Variants in COL22A1 observed in about 807,000 individuals in gnomAD.
COL22A1 encodes the protein collagen alpha-1(XXII) chain.
A neutral mutation model predicts 248.9 loss-of-function variants in COL22A1; 221 were observed. The observed-to-expected ratio is 0.89, with a 90% CI of 0.80 to 0.99. COL22A1 has a LOEUF of 0.99. Among genes scored for constraint, COL22A1 ranks in the 50% least tolerant of loss-of-function variants. The pLI, the probability that COL22A1 is intolerant of heterozygous loss-of-function variation, is 0.00. For missense variants in COL22A1, 2,240 were observed against 2,179.0 expected (o/e 1.03, Z -0.56); for synonymous variants, 891 against 793.4 (o/e 1.12, Z -2.07).
intron 43 of COL22A1, among the ~76,000 whole-genome samples, chr8:138,661,304 C>T (rs1823936505): frequency 6.6e-6 from 1 of 152,188 alleles, no homozygotes; most frequent in South Asian, 2.1e-4. Context: ...AAGAGAAGGA[C>T]ATTTTGTTGT....
intron 3 of COL22A1, among the ~76,000 whole-genome samples, chr8:138,850,702 C>T (rs1277429464): frequency 2.6e-5 from 4 of 152,332 alleles, no homozygotes; most frequent in African/African-American, 4.8e-5. Flanking sequence ...GAAAGAACCT[C>T]GAGCTCCAAG....
chr8:138,722,451 C>A (rs1829944078), intron 25 of COL22A1, among the ~76,000 whole-genome samples: 1 of 152,226 alleles, frequency 6.6e-6, no homozygotes, highest in Non-Finnish European at 1.5e-5. Context: ...CTCCTCCTCT[C>A]TCCTCTCCAG....
intron 50 of COL22A1, among the ~76,000 whole-genome samples, chr8:138,626,475 G>A (rs1820248189): frequency 6.6e-6 from 1 of 152,164 alleles, no homozygotes; most frequent in Non-Finnish European, 1.5e-5. Flanking sequence ...GCTCATTCTG[G>A]CCATATTATT....
intron 3 of COL22A1, among the ~76,000 whole-genome samples, chr8:138,859,656 C>T (rs539887645): frequency 1.9e-4 from 29 of 151,966 alleles, no homozygotes; most frequent in Admixed American, 5.9e-4. Context: ...CTAGGGGTGG[C>T]GCCACCCCCC....
chr8:138,903,379 G>A (rs1413012112), intron 1 of COL22A1, among the ~76,000 whole-genome samples: 1 of 152,206 alleles, frequency 6.6e-6, no homozygotes, highest in Non-Finnish European at 1.5e-5. Flanking sequence ...AGACTGGGGG[G>A]CCTTCAATGT....
intron 2 of COL22A1, among the ~76,000 whole-genome samples, chr8:138,880,043 T>C (rs954457880): frequency 2.6e-5 from 4 of 152,058 alleles, no homozygotes; most frequent in African/African-American, 9.7e-5. Context: ...ATTCCAAACT[T>C]AGTGATTTAT....
chr8:138,598,306 T>C (rs1817711661), intron 61 of COL22A1, among the ~76,000 whole-genome samples: 1 of 152,152 alleles, frequency 6.6e-6, no homozygotes, highest in African/African-American at 2.4e-5. Context: ...GGCATCGAAA[T>C]GGATGGTAAA....
chr8:138,847,967 A>G (rs1393854545), intron 3 of COL22A1, among the ~76,000 whole-genome samples: 1 of 152,208 alleles, frequency 6.6e-6, no homozygotes, highest in African/African-American at 2.4e-5. Flanking sequence ...TCTAAGGACA[A>G]TTAATGAGGG....
intron 1 of COL22A1, among the ~76,000 whole-genome samples, chr8:138,904,827 G>A (rs897245408): frequency 7.2e-5 from 11 of 152,084 alleles, no homozygotes; most frequent in Non-Finnish European, 1.6e-4. Flanking sequence ...CCTTTTTCTG[G>A]GAGAGAATAA....
chr8:138,851,679 C>G (rs896969093), intron 3 of COL22A1, among the ~76,000 whole-genome samples: 3 of 152,164 alleles, frequency 2.0e-5, no homozygotes, highest in Non-Finnish European at 4.4e-5. Flanking sequence ...GCAAGGGGAG[C>G]TCAGGGGCAG....
intron 36 of COL22A1, among the ~76,000 whole-genome samples, chr8:138,690,159 G>T (rs753042641): frequency 6.6e-6 from 1 of 152,184 alleles, no homozygotes. Flanking sequence ...ACCTATAAAG[G>T]CTTGATGAAG....
chr8:138,623,931 T>C (rs1820042310), intron 51 of COL22A1, 146 bp from the exon 52 acceptor site: 1 of 629,764 alleles, frequency 1.6e-6, no homozygotes. Flanking sequence ...ACGGACAGAA[T>C]TGTTCTGATT....
rs760700142 is a variant in COL22A1 at position 138,776,022 on chromosome 8, A to G, written c.1759-12T>C. ...TCTCCTTGGAGACCCTGGGGGACAA[A>G]GAAAGAGCAGTGACCCAACATCTTA... On this transcript the variant is annotated splice_polypyrimidine_tract_variant and intron_variant, in intron 15 of 64. Coordinates refer to ENST00000303045, the MANE Select transcript of COL22A1 (RefSeq NM_152888.3). 2.5e-6 allele frequency: 4 copies of G among 1,613,974 alleles called. No homozygotes were observed. The highest frequency in any genetic ancestry group is 3.4e-6 in the Non-Finnish European group (4 of 1,179,842).
At chr8:138,618,212 C>T (rs189799991) in intron 53 of COL22A1, among the ~76,000 whole-genome samples, 5 of 152,292 alleles carry the variant, frequency 3.3e-5, no homozygotes, top group Non-Finnish European at 2.9e-5. Flanking sequence ...GAAAGGTCCT[C>T]GTTGCAATCA....
chr8:138,643,186 C>A (rs1181472490), intron 47 of COL22A1, among the ~76,000 whole-genome samples: 1 of 152,188 alleles, frequency 6.6e-6, no homozygotes, highest in Non-Finnish European at 1.5e-5. Context: ...AGGTCATGCC[C>A]AGTAAGGAGT....
chr8:138,838,149 G>T (rs1189862863), intron 4 of COL22A1, among the ~76,000 whole-genome samples: 4 of 152,164 alleles, frequency 2.6e-5, no homozygotes, highest in African/African-American at 9.7e-5. Context: ...CAGTTCCACG[G>T]CTTTGGGGCA....
intron 50 of COL22A1, among the ~76,000 whole-genome samples, chr8:138,628,627 T>C (rs1329961736): frequency 2.0e-5 from 3 of 152,226 alleles, no homozygotes; most frequent in African/African-American, 7.2e-5. Context: ...TTGATGGTTA[T>C]GGTAAAGTTT....
At chr8:138,806,860 T>C (rs1047572775) in intron 10 of COL22A1, among the ~76,000 whole-genome samples, 2 of 152,038 alleles carry the variant, frequency 1.3e-5, no homozygotes, top group African/African-American at 4.8e-5. Flanking sequence ...GGGAAAGAAG[T>C]GGGCAAAAAG....
chr8:138,791,350 G>T (rs914163712), intron 12 of COL22A1, among the ~76,000 whole-genome samples: 1 of 152,206 alleles, frequency 6.6e-6, no homozygotes, highest in South Asian at 2.1e-4. Context: ...ACTGGGGAAG[G>T]GTCCTGTGGG....
Sources: allele counts gnomAD v4.1 joint callset (sites outside exome capture counted in the v4.1 genomes callset), GRCh38; gene constraint gnomAD v4.1.1; transcripts MANE v1.5; gene names NCBI Gene and HGNC (gene_info 2026-07-23, HGNC 2026-07-21).